The following ORC4 variants were observed in gnomAD, a reference collection of about 807,000 sequenced individuals.
ORC4 encodes origin recognition complex subunit 4.
ORC4 carries 55 observed loss-of-function variants against 63.9 expected under a neutral mutation model. The ratio of observed to expected loss-of-function variants is 0.86; its 90% CI spans 0.69 to 1.08. The LOEUF is 1.08. Among genes scored for constraint, ORC4 ranks in the 50% least tolerant of loss-of-function variants. The pLI is 0.00. For synonymous variants in ORC4, 150 were observed against 168.5 expected, an observed-to-expected ratio of 0.89 and a Z score of 0.85; for missense variants, 511 against 504.4, an observed-to-expected ratio of 1.01 and a Z score of -0.13.
At chr2:148,008,539 C>T (rs1433297646) in intron 1 of ORC4, among the ~76,000 whole-genome samples, 1 of 152,152 alleles carries the variant, frequency 6.6e-6, no homozygotes, top group Non-Finnish European at 1.5e-5. Context: ...CGTAAAGCAA[C>T]CTTTTTCGAT....
At chr2:147,964,796 T>A (rs1023518870) in intron 4 of ORC4, among the ~76,000 whole-genome samples, 4 of 152,232 alleles carry the variant, frequency 2.6e-5, no homozygotes, top group African/African-American at 7.2e-5. Flanking sequence ...ATCATTTTTT[T>A]AAATGATATT....
At chr2:147,941,929 A>G (rs1688388063) in intron 10 of ORC4, among the ~76,000 whole-genome samples, 1 of 152,152 alleles carries the variant, frequency 6.6e-6, no homozygotes, top group Non-Finnish European at 1.5e-5. Context: ...CAGCAGAAGC[A>G]GCAATGAGGA....
intron 13 of ORC4, 126 bp downstream of exon 13, chr2:147,938,020 C>A (rs990363042): frequency 4.1e-6 from 3 of 723,654 alleles, no homozygotes; most frequent in African/African-American, 3.6e-5. Flanking sequence ...AGATAATTTT[C>A]TTGTTTTGAA....
chr2:147,975,403 G>C (rs1426853309), intron 2 of ORC4, among the ~76,000 whole-genome samples: 2 of 151,758 alleles, frequency 1.3e-5, no homozygotes, highest in African/African-American at 4.8e-5. Context: ...ACTGAATGCT[G>C]CTGTTTCTCT....
intron 1 of ORC4, among the ~76,000 whole-genome samples, chr2:147,996,988 C>T (rs762323599): frequency 2.8e-4 from 42 of 152,242 alleles, no homozygotes; most frequent in Non-Finnish European, 4.3e-4. Context: ...ATTGCCAAAA[C>T]TTGGAAGTAA....
At chr2:147,944,105 C>T (rs1204965301) in intron 9 of ORC4, among the ~76,000 whole-genome samples, 11 of 151,746 alleles carry the variant, frequency 7.2e-5, no homozygotes, top group African/African-American at 2.4e-4. Flanking sequence ...TAAAGTGGGT[C>T]GGAATTATCT....
intron 1 of ORC4, among the ~76,000 whole-genome samples, chr2:148,011,948 G>C (rs1692993366): frequency 6.6e-6 from 1 of 151,810 alleles, no homozygotes; most frequent in African/African-American, 2.4e-5. Flanking sequence ...TAATTGAAGA[G>C]GACACAAACA....
intron 1 of ORC4, among the ~76,000 whole-genome samples, chr2:148,015,307 ATTTTTTT>A (rs1158861758): frequency 2.7e-4 from 25 of 92,324 alleles, no homozygotes; most frequent in South Asian, 2.1e-3. Context: ...TGATATTGGA[ATTTTTTT>A]TTTTTTTTTT....
At chr2:147,990,742 T>C (rs948009807) in intron 1 of ORC4, among the ~76,000 whole-genome samples, 2 of 152,222 alleles carry the variant, frequency 1.3e-5, no homozygotes, top group Non-Finnish European at 2.9e-5. Flanking sequence ...ACAATTTACT[T>C]AAGGACACAT....
intron 1 of ORC4, among the ~76,000 whole-genome samples, chr2:147,977,508 GTTA>G (rs1179424426): frequency 6.6e-6 from 1 of 152,202 alleles, no homozygotes; most frequent in Non-Finnish European, 1.5e-5. Flanking sequence ...TGGTCTTTGT[GTTA>G]GCGTTGAGAT....
intron 4 of ORC4, among the ~76,000 whole-genome samples, chr2:147,962,014 A>G (rs1406448780): frequency 6.6e-6 from 1 of 152,204 alleles, no homozygotes. Context: ...TGAACAGCTA[A>G]GATTTGACTG....
intron 7 of ORC4, among the ~76,000 whole-genome samples, chr2:147,953,132 C>A (rs897109312): frequency 2.7e-5 from 4 of 150,160 alleles, no homozygotes; most frequent in Admixed American, 2.0e-4. Context: ...GGGTTTGAGA[C>A]CAGCCTGGCC....
chr2:147,941,795 T>TAC (rs570232675), intron 10 of ORC4, among the ~76,000 whole-genome samples: 5 of 151,620 alleles, frequency 3.3e-5, no homozygotes, highest in East Asian at 1.9e-4. Flanking sequence ...CATACACACA[T>TAC]ACACACACAC....
intron 1 of ORC4, among the ~76,000 whole-genome samples, chr2:148,002,357 T>C (rs1003627212): frequency 1.3e-5 from 2 of 152,126 alleles, no homozygotes; most frequent in Non-Finnish European, 2.9e-5. Context: ...GACCACATAA[T>C]TGGAAGTAAA....
intron 1 of ORC4, among the ~76,000 whole-genome samples, chr2:147,993,228 C>G (rs528159456): frequency 6.6e-6 from 1 of 152,286 alleles, no homozygotes; most frequent in Non-Finnish European, 1.5e-5. Flanking sequence ...TGCCCTTTCT[C>G]CTATTAATCT....
At chr2:147,981,294 T>C (rs1427615973) in intron 1 of ORC4, among the ~76,000 whole-genome samples, 1 of 152,184 alleles carries the variant, frequency 6.6e-6, no homozygotes, top group Non-Finnish European at 1.5e-5. Context: ...ATGGGACACA[T>C]GCAATACACA....
At chr2:147,987,854 C>T (rs1380465087) in intron 1 of ORC4, among the ~76,000 whole-genome samples, 1 of 151,928 alleles carries the variant, frequency 6.6e-6, no homozygotes, top group African/African-American at 2.4e-5. Context: ...GAGATCGAGA[C>T]CATCCTGGCT....
At chr2:148,000,334 C>T (rs190466987) in intron 1 of ORC4, among the ~76,000 whole-genome samples, 14 of 152,004 alleles carry the variant, frequency 9.2e-5, no homozygotes, top group South Asian at 2.1e-4. Context: ...AAAATGAGAT[C>T]GTATAATCTT....
intron 1 of ORC4, among the ~76,000 whole-genome samples, chr2:148,003,028 C>T (rs1375864203): frequency 6.6e-6 from 1 of 152,138 alleles, no homozygotes; most frequent in African/African-American, 2.4e-5. Flanking sequence ...GGATGAATTC[C>T]TGGACACAGA....
Sources: gnomAD v4.1 joint callset for allele counts (sites outside exome capture counted in the v4.1 genomes callset) on GRCh38, gnomAD v4.1.1 for gene constraint, MANE v1.5 for transcripts, NCBI Gene and HGNC (gene_info 2026-07-23, HGNC 2026-07-21) for gene names.